The following SLC25A13 variants were observed in gnomAD, a reference collection of about 807,000 sequenced individuals.
The protein encoded by SLC25A13 is electrogenic aspartate/glutamate antiporter SLC25A13, mitochondrial.
Under a neutral mutation model 85.5 loss-of-function variants are expected in SLC25A13, and 70 were observed. The ratio of observed to expected loss-of-function variants is 0.82; its 90% CI spans 0.68 to 1.00. SLC25A13 has a LOEUF of 1.00. Ranked by LOEUF, SLC25A13 falls within the 50% of genes least tolerant of loss-of-function variation. The probability of loss-of-function intolerance (pLI) is 0.00; values close to 1 mark genes in which losing one functional copy is unlikely to be tolerated. For missense variants in SLC25A13, 765 were observed against 819.8 expected (o/e 0.93, Z 0.82); for synonymous variants, 259 against 288.7 (o/e 0.90, Z 1.04).
At chr7:96,297,645 T>A (rs1018697526) in intron 1 of SLC25A13, among the ~76,000 whole-genome samples, 1 of 152,114 alleles carries the variant, frequency 6.6e-6, no homozygotes, top group African/African-American at 2.4e-5. Context: ...AGAGAACATA[T>A]TTCTTAAAGA....
chr7:96,154,800 TC>T (rs139052814), intron 13 of SLC25A13, among the ~76,000 whole-genome samples: 63,671 of 145,534 alleles, frequency 0.44, 14,594 homozygotes, highest in African/African-American at 0.58. Context: ...AGCATCTTTT[TC>T]TTTTTTTTTT....
chr7:96,128,939 G>GCTCTCGCTCTCTCT (rs1791871105), intron 15 of SLC25A13, among the ~76,000 whole-genome samples: 1 of 81,850 alleles, frequency 1.2e-5, no homozygotes, highest in African/African-American at 4.3e-5. Context: ...TGCCTTGCTT[G>GCTCTCGCTCTCTCT]CTCTCTCTCT....
intron 6 of SLC25A13, among the ~76,000 whole-genome samples, chr7:96,191,792 C>A (rs1253361550): frequency 6.6e-6 from 1 of 151,974 alleles, no homozygotes; most frequent in Non-Finnish European, 1.5e-5. Flanking sequence ...AGCAAACAAG[C>A]ATATTATGGT....
chr7:96,241,295 T>C (rs897458947), intron 3 of SLC25A13, among the ~76,000 whole-genome samples: 4 of 152,158 alleles, frequency 2.6e-5, no homozygotes, highest in African/African-American at 9.7e-5. Context: ...CAATTGCACT[T>C]CTAGGAGTTT....
intron 6 of SLC25A13, 27 bp from the exon 7 acceptor site, chr7:96,191,274 A>C: frequency 6.2e-7 from 1 of 1,612,088 alleles, no homozygotes; most frequent in Non-Finnish European, 8.5e-7. Context: ...ACAAGAGAGA[A>C]GAAAAATATA....
chr7:96,208,151 A>G (rs920008348), intron 5 of SLC25A13, among the ~76,000 whole-genome samples: 1 of 152,204 alleles, frequency 6.6e-6, no homozygotes, highest in African/African-American at 2.4e-5. Flanking sequence ...CCAGGGGAAA[A>G]CAAAATATTG....
At chr7:96,241,094 GAAA>G (rs1562870913) in intron 3 of SLC25A13, among the ~76,000 whole-genome samples, 25 of 136,806 alleles carry the variant, frequency 1.8e-4, no homozygotes, top group African/African-American at 2.9e-4. Context: ...AAGAAAGAAA[GAAA>G]GAAAGAAAGG....
At chr7:96,184,751 T>G (rs569521313) in intron 10 of SLC25A13, among the ~76,000 whole-genome samples, 176 bp downstream of exon 10, 1 of 152,332 alleles carries the variant, frequency 6.6e-6, no homozygotes, top group African/African-American at 2.4e-5. Context: ...CCTGATCACA[T>G]GCAGGTATGG....
chr7:96,184,497 G>A, intron 10 of SLC25A13, 62 bp from the exon 11 acceptor site: 8 of 1,512,278 alleles, frequency 5.3e-6, no homozygotes, highest in Non-Finnish European at 7.3e-6. Context: ...AAAGAAGAAG[G>A]TAGTTAAAGT....
At chr7:96,313,737 T>C (rs1173183223) in intron 1 of SLC25A13, among the ~76,000 whole-genome samples, 1 of 152,134 alleles carries the variant, frequency 6.6e-6, no homozygotes. Context: ...AACAAATCTG[T>C]ACATGTACCT....
intron 14 of SLC25A13, among the ~76,000 whole-genome samples, chr7:96,134,629 A>G (rs4729234): frequency 0.46 from 69,780 of 150,264 alleles, 16,849 homozygotes; most frequent in East Asian, 0.62. Context: ...CCTTCTGAGA[A>G]CCTCCTTCTT....
chr7:96,291,865 A>G (rs1467208836), intron 2 of SLC25A13, among the ~76,000 whole-genome samples: 1 of 152,226 alleles, frequency 6.6e-6, no homozygotes, highest in Non-Finnish European at 1.5e-5. Context: ...AGGAGCTGCT[A>G]CCATTCTTTC....
At chr7:96,320,161 C>T (rs1299691274) in intron 1 of SLC25A13, among the ~76,000 whole-genome samples, 1 of 152,266 alleles carries the variant, frequency 6.6e-6, no homozygotes, top group South Asian at 2.1e-4. Flanking sequence ...CCCACCAGCA[C>T]GCCTAGCTAA....
intron 3 of SLC25A13, among the ~76,000 whole-genome samples, chr7:96,269,247 C>T (rs575588569): frequency 9.9e-5 from 15 of 152,132 alleles, no homozygotes; most frequent in Non-Finnish European, 1.9e-4. Flanking sequence ...GACCAATGTA[C>T]CCAAGGCACT....
At chr7:96,156,712 A>C (rs563549256) in intron 13 of SLC25A13, among the ~76,000 whole-genome samples, 5 of 151,870 alleles carry the variant, frequency 3.3e-5, no homozygotes, top group Non-Finnish European at 5.9e-5. Flanking sequence ...CAGCCTCCCA[A>C]ATTTTTGTAT....
intron 4 of SLC25A13, among the ~76,000 whole-genome samples, chr7:96,210,394 CAAAA>C (rs1795646802): frequency 6.6e-6 from 1 of 151,938 alleles, no homozygotes; most frequent in Non-Finnish European, 1.5e-5. Context: ...AACAAACAAA[CAAAA>C]AAGATTCTCA....
chr7:96,317,828 A>ATTTGTTTTTT (rs1800189383), intron 1 of SLC25A13, among the ~76,000 whole-genome samples: 1 of 141,076 alleles, frequency 7.1e-6, no homozygotes, highest in Non-Finnish European at 1.5e-5. Flanking sequence ...TTGAGACAGG[A>ATTTGTTTTTT]TCTCGTTCTG....
intron 14 of SLC25A13, among the ~76,000 whole-genome samples, chr7:96,139,717 C>A (rs547580330): frequency 3.2e-4 from 49 of 152,160 alleles, no homozygotes; most frequent in Non-Finnish European, 6.0e-4. Flanking sequence ...TAGAATCATG[C>A]AGTATTTGAA....
intron 4 of SLC25A13, among the ~76,000 whole-genome samples, chr7:96,229,298 G>A (rs181555348): frequency 6.6e-6 from 1 of 152,290 alleles, no homozygotes; most frequent in African/African-American, 2.4e-5. Context: ...CTAGAGGATT[G>A]TAAATGCACC....
Sources: allele counts gnomAD v4.1 joint callset (sites outside exome capture counted in the v4.1 genomes callset), GRCh38; gene constraint gnomAD v4.1.1; transcripts MANE v1.5; gene names NCBI Gene and HGNC (gene_info 2026-07-23, HGNC 2026-07-21).